Variants in ZNFX1 observed in about 807,000 individuals in gnomAD.
ZNFX1 encodes NFX1-type zinc finger-containing protein 1.
Under a neutral mutation model 179.8 loss-of-function variants are expected in ZNFX1, and 78 were observed. The observed-to-expected ratio is 0.43, with a 90% confidence interval of 0.36 to 0.52. The LOEUF is 0.52. Ranked by LOEUF, ZNFX1 falls within the 20% of genes least tolerant of loss-of-function variation. ZNFX1 has a pLI of 0.00. For synonymous variants in ZNFX1, 848 were observed against 868.5 expected (o/e 0.98, Z 0.42); for missense variants, 1,927 against 2,386.6 (o/e 0.81, Z 4.01).
rs1246325422 is a variant in ZNFX1, at chr20:49,248,061, C to T, written c.4963G>A (p.Gly1655Arg). Residue 1655 changes from glycine (G) to arginine (R), a missense_variant, in exon 14 of 14, where the codon GGG becomes AGG. Coordinates refer to ENST00000396105, the MANE Select transcript of ZNFX1 (RefSeq NM_021035.3). The surrounding 1 kb of genome is among the most constrained non-coding windows in gnomAD (Gnocchi z 4.6). The part of the protein sequence containing the change: ...IIKEKIQGSA[G>R]EIATSQERLK... ...CGTTCCTGGCTGGTTGCTATTTCCC[C>T]TGCTGAGCCCTGGATCTTTTCCTTG... 1 of 1,614,058 alleles carries T rather than the reference C, an allele frequency of 6.2e-7. No individual in the cohort carries two copies. The highest frequency in any genetic ancestry group is 1.3e-5 in the African/African-American group (1 of 74,924).
rs1481248537 is a variant in ZNFX1 at position 49,255,945 on chromosome 20, G to A, written c.2667C>T (p.Thr889=). 6.2e-7 allele frequency: 1 copy of A among 1,613,772 alleles called. No individual in the cohort carries two copies. Among genetic ancestry groups the A allele is most frequent in the Non-Finnish European group, 8.5e-7 (1 of 1,179,964 alleles). Reference sequence around the variant, plus strand: ...TCATTTTCTTTTTCTGGTTGCGCTGGGTCTGCAGACATCAATACCAGGCAG... The same window carrying A: ...TCATTTTCTTTTTCTGGTTGCGCTGAGTCTGCAGACATCAATACCAGGCAG... The part of the protein sequence containing the change: ...GQEQATGEWQ[T]QRNQKKKMKK... The change falls in exon 9 of 14, where the codon ACC becomes ACT. Residue 889 remains threonine (T), a splice_region_variant and synonymous_variant. Coordinates refer to ENST00000396105, the MANE Select transcript of ZNFX1 (RefSeq NM_021035.3).
rs1980681625 is a variant in ZNFX1 at position 49,246,758 on chromosome 20, T to G, written c.*509A>C. The G allele has an allele frequency of 1.4e-5, 6 of 426,036 alleles. No homozygotes were observed. The highest frequency in any genetic ancestry group is 2.8e-5 in the Non-Finnish European group (6 of 214,636). 26.4% of individuals were successfully genotyped at this position (426,036 alleles called of 1,614,324 possible). On this transcript the variant is annotated 3_prime_UTR_variant, in exon 14 of 14. Coordinates refer to ENST00000396105, the MANE Select transcript of ZNFX1 (RefSeq NM_021035.3). Reference sequence around the variant, plus strand: ...GAGAAGGGGTGAGATTTGTTAACTTTGCTCTCAGTTCTGGAGATAAAGTGC... The same window carrying G: ...GAGAAGGGGTGAGATTTGTTAACTTGGCTCTCAGTTCTGGAGATAAAGTGC...
intron 8 of ZNFX1, among the ~76,000 whole-genome samples, chr20:49,256,944 G>A (rs1413427339): frequency 1.3e-5 from 2 of 152,146 alleles, no homozygotes; most frequent in African/African-American, 4.8e-5. Context: ...AAGACACCTG[G>A]GCATTCATAC....
At chr20:49,256,083 C>T (rs1033830928) in intron 8 of ZNFX1, 136 bp from the exon 9 acceptor site, 102 of 1,125,136 alleles carry the variant, frequency 9.1e-5, no homozygotes, top group Non-Finnish European at 1.2e-4. Flanking sequence ...ATTCTCCCAA[C>T]AGCTCTTCCA....
In ZNFX1 at chr20:49,257,651, C is replaced by A. The variant is rs755856701; in HGVS notation, c.2430G>T (p.Gly810=). 3.7e-6 allele frequency: 6 copies of A among 1,613,804 alleles called. No individual in the cohort carries two copies. In the African/African-American group the frequency reaches 8.0e-5, roughly 22 times the overall value. The change falls in exon 8 of 14, where the codon GGG becomes GGT. Residue 810 remains glycine (G), a synonymous_variant. Transcript: ENST00000396105. ...CCTCCTCCCCTTCTTCCTCCTCATCCCCTTCTGCCTGGGCTAAGAGAGAGA... is the reference window on the plus strand; with the variant it reads ...CCTCCTCCCCTTCTTCCTCCTCATCACCTTCTGCCTGGGCTAAGAGAGAGA... The part of the protein sequence containing the change: ...AGPENTAQAE[G]DEEEEGEEES...
At chr20:49,264,497 G>A (rs545706179) in intron 5 of ZNFX1, among the ~76,000 whole-genome samples, 3 of 152,286 alleles carry the variant, frequency 2.0e-5, no homozygotes, top group South Asian at 2.1e-4. Flanking sequence ...TTAAGGTAGG[G>A]TGGGGATGGG....
rs1440688107 is a variant in ZNFX1 at position 49,263,489 on chromosome 20, A to G, written c.2152-6T>C. 6.4e-7 allele frequency: 1 copy of G among 1,570,558 alleles called. No individual in the cohort carries two copies. Among genetic ancestry groups the G allele is most frequent in the Admixed American group, 1.9e-5 (1 of 52,794 alleles). On this transcript the variant is annotated splice_polypyrimidine_tract_variant and splice_region_variant and intron_variant, in intron 5 of 13. Transcript: ENST00000396105. ...TCCTTCATCTGTGTCATGATCTTCCAAGAACAGAGGGAAAGAAATGATGAG... is the reference window on the plus strand; with the variant it reads ...TCCTTCATCTGTGTCATGATCTTCCGAGAACAGAGGGAAAGAAATGATGAG...
chr20:49,275,147 T>TA (rs1568988360), intron 2 of ZNFX1, among the ~76,000 whole-genome samples: 1 of 151,856 alleles, frequency 6.6e-6, no homozygotes, highest in African/African-American at 2.4e-5. Context: ...AAATAAAAAA[T>TA]AAAAACTTAT....
In ZNFX1 at chr20:49,253,796, C is replaced by G; in HGVS notation, c.2975G>C (p.Arg992Pro). 1 of 1,614,034 alleles carries G rather than the reference C, an allele frequency of 6.2e-7. No individual in the cohort carries two copies. The highest frequency in any genetic ancestry group is 8.5e-7 in the Non-Finnish European group (1 of 1,180,004). ...GMTTTGAAKYRQILQKVEPRI... is the reference protein window; with the variant it reads ...GMTTTGAAKYPQILQKVEPRI... ...CGGCTCCACCTTCTGTAGGATCTGG[C>G]GGTATTTGGCAGCACCTCAAGTGAG... Residue 992 changes from arginine (R) to proline (P), a missense_variant, in exon 11 of 14, where the codon CGC becomes CCC. By Grantham distance (103) the Arg-to-Pro change is moderately radical. Coordinates refer to ENST00000396105, the MANE Select transcript of ZNFX1 (RefSeq NM_021035.3).
At chr20:49,250,388 C>T (rs762304395) in intron 13 of ZNFX1, among the ~76,000 whole-genome samples, 2 of 152,204 alleles carry the variant, frequency 1.3e-5, no homozygotes, top group Non-Finnish European at 2.9e-5. Flanking sequence ...GTGCTGACTG[C>T]TTTATATACA....
Position 49,257,524 on chromosome 20 carries a change from C to A in ZNFX1, c.2557G>T (p.Glu853Ter). 6.2e-7 allele frequency: 1 copy of A among 1,613,962 alleles called. No homozygotes were observed. The highest frequency in any genetic ancestry group is 8.5e-7 in the Non-Finnish European group (1 of 1,180,018). ...GCCAACTCCTGGTCTGCTCCACTCT[C>A]TTCCTTCTTCCGCCGCTGGGGCCTC... ...VVRPQRRKKE[E>*]SGADQELAKM... is the part of the protein sequence containing the mutation. Residue 853 changes from glutamate (E) to a stop codon, truncating the protein, a stop_gained, in exon 8 of 14, where the codon GAG becomes TAG. Transcript: ENST00000396105. LOFTEE classifies it high-confidence loss of function.
chr20:49,258,580 T>A (rs1310069359), intron 7 of ZNFX1, among the ~76,000 whole-genome samples: 1 of 143,836 alleles, frequency 7.0e-6, no homozygotes, highest in African/African-American at 2.6e-5. Context: ...CTGAGGTGGG[T>A]GGATCACCTG....
intron 8 of ZNFX1, 181 bp from the exon 9 acceptor site, chr20:49,256,128 T>C: frequency 1.4e-6 from 1 of 734,678 alleles, no homozygotes; most frequent in Non-Finnish European, 2.1e-6. Context: ...CTGGAGCCAG[T>C]TTGCCTGGCT....
In ZNFX1 at chr20:49,249,222, G is replaced by C; in HGVS notation, c.3802C>G (p.Pro1268Ala). 2 of 1,614,196 alleles carry C rather than the reference G, an allele frequency of 1.2e-6. No individual in the cohort carries two copies. Among genetic ancestry groups the C allele is most frequent in the Non-Finnish European group, 1.7e-6 (2 of 1,180,032 alleles). Reference sequence around the variant, plus strand: ...TTGGATACTAAGGTGTGGGTTTCAGGGTGGTTCTGGCAGCAGAGCCGGAGC... The same window carrying C: ...TTGGATACTAAGGTGTGGGTTTCAGCGTGGTTCTGGCAGCAGAGCCGGAGC... ...PMLRLCCQNHPETHTLVSKAS... is the reference protein window; with the variant it reads ...PMLRLCCQNHAETHTLVSKAS... Residue 1268 changes from proline to alanine, a missense_variant, in exon 14 of 14, where the codon CCT (proline) becomes GCT (alanine). By Grantham distance (27) the Pro-to-Ala change is conservative. Transcript: ENST00000396105.
intron 7 of ZNFX1, among the ~76,000 whole-genome samples, chr20:49,258,098 A>ATTC (rs1833083247): frequency 7.2e-6 from 1 of 138,784 alleles, no homozygotes; most frequent in African/African-American, 2.7e-5. Flanking sequence ...GGTTTATGTG[A>ATTC]TTTTTTTTTT....
chr20:49,273,659 G>C (rs1473976982), intron 2 of ZNFX1, among the ~76,000 whole-genome samples: 1 of 152,182 alleles, frequency 6.6e-6, no homozygotes, highest in Admixed American at 6.5e-5. Flanking sequence ...GCCAGGTGTG[G>C]TGGCTCATGC....
chr20:49,270,465 G>A lies in ZNFX1; in HGVS notation c.1347C>T (p.Leu449=). 2 of 1,614,208 alleles carry A rather than the reference G, an allele frequency of 1.2e-6. No individual in the cohort carries two copies. Among genetic ancestry groups the A allele is most frequent in the Non-Finnish European group, 1.7e-6 (2 of 1,180,050 alleles). ...FVRWQNSKRL[L]YGSLVCMSKD... ...TGGACATGCATACCAAAGACCCATA[G>A]AGCAATCGTTTGGAATTCTGCCAGC... The change falls in exon 3 of 14, where the codon CTC becomes CTT. Residue 449 remains leucine (L), a synonymous_variant. Transcript: ENST00000396105. The surrounding 1 kb of genome is among the most constrained non-coding windows in gnomAD (Gnocchi z 4.6).
chr20:49,249,650 C>T lies in ZNFX1; in HGVS notation c.3374G>A (p.Gly1125Asp). Residue 1125 changes from glycine to aspartate, a missense_variant, in exon 14 of 14, where the codon GGC (glycine) becomes GAC (aspartate). By Grantham distance (94) the Gly-to-Asp change is moderately conservative (BLOSUM62 -1). Transcript: ENST00000396105. ...CTCATGCTGGTTCTGATGGCTTTTG[C>T]CCTCTTGGATTTCCTGTTCAGGAAA... ...HNFPEQEIQEGKSHQNQHEAH... is the reference protein window; with the variant it reads ...HNFPEQEIQEDKSHQNQHEAH... The T allele has an allele frequency of 6.2e-7, 1 of 1,614,132 alleles. No individual in the cohort carries two copies. The highest frequency in any genetic ancestry group is 8.5e-7 in the Non-Finnish European group (1 of 1,180,000).
At position 49,263,322 on chromosome 20, in the gene ZNFX1, G is replaced by C. The variant is rs373807483; in HGVS notation, c.2301+12C>G. 6.2e-7 allele frequency: 1 copy of C among 1,612,066 alleles called. No homozygotes were observed. Among genetic ancestry groups the C allele is most frequent in the Non-Finnish European group, 8.5e-7 (1 of 1,179,534 alleles). On this transcript the variant is annotated intron_variant, in intron 6 of 13. Transcript: ENST00000396105. ...CCAGAGACATATTTGTGTCCCCCAG[G>C]ATGACCCCTACCTGCACTGGTCCAT...
Sources: gnomAD v4.1 joint callset for allele counts (sites outside exome capture counted in the v4.1 genomes callset) on GRCh38, gnomAD v4.1.1 for gene constraint, Gnocchi (gnomAD v3.1) non-coding constraint, MANE v1.5 for transcripts, NCBI Gene and HGNC (gene_info 2026-07-23, HGNC 2026-07-21) for gene names.